The following CNTNAP5 variants were observed in gnomAD, a reference collection of about 807,000 sequenced individuals.
CNTNAP5 encodes contactin associated protein family member 5.
Under a neutral mutation model 150.2 loss-of-function variants are expected in CNTNAP5, and 72 were observed. That is an observed-to-expected ratio of 0.48 (90% CI 0.40 to 0.58). CNTNAP5 has a LOEUF of 0.58. Among genes scored for constraint, CNTNAP5 ranks in the 20% least tolerant of loss-of-function variants. CNTNAP5 has a pLI of 0.00. For synonymous variants in CNTNAP5, 672 were observed against 619.8 expected (o/e 1.08, Z -1.25); for missense variants, 1,636 against 1,626.2 (o/e 1.01, Z -0.10).
At chr2:124,454,853 G>C (rs558648700) in intron 6 of CNTNAP5, among the ~76,000 whole-genome samples, 33 of 152,070 alleles carry the variant, frequency 2.2e-4, no homozygotes, top group African/African-American at 7.5e-4. Context: ...AATGACAGTA[G>C]TCATTCACAA....
intron 21 of CNTNAP5, among the ~76,000 whole-genome samples, chr2:124,897,280 T>C (rs1678325510): frequency 6.6e-6 from 1 of 151,540 alleles, no homozygotes; most frequent in Non-Finnish European, 1.5e-5. Flanking sequence ...GTCTCTTTTA[T>C]GTTTCCATGG....
At chr2:124,332,135 C>T (rs1036775083) in intron 3 of CNTNAP5, among the ~76,000 whole-genome samples, 9 of 151,792 alleles carry the variant, frequency 5.9e-5, no homozygotes, top group Non-Finnish European at 1.2e-4. Context: ...TCTCTCTCTT[C>T]TACTTACTGA....
At chr2:124,657,774 G>A (rs1573528279) in intron 13 of CNTNAP5, among the ~76,000 whole-genome samples, 1 of 152,086 alleles carries the variant, frequency 6.6e-6, no homozygotes, top group Non-Finnish European at 1.5e-5. Context: ...TGCCCAGCTT[G>A]CCCCACCTCT....
At chr2:124,727,003 G>A (rs780518153) in intron 13 of CNTNAP5, among the ~76,000 whole-genome samples, 9 of 151,828 alleles carry the variant, frequency 5.9e-5, no homozygotes, top group Non-Finnish European at 8.8e-5. Flanking sequence ...ATTTTTAGTT[G>A]ATTTTTACAT....
chr2:124,577,870 A>C (rs1401044575), intron 11 of CNTNAP5, among the ~76,000 whole-genome samples: 2 of 152,082 alleles, frequency 1.3e-5, no homozygotes, highest in Admixed American at 1.3e-4. Flanking sequence ...GGTCAGAGGG[A>C]TATGGACTTG....
At position 124,790,095 on chromosome 2, in the gene CNTNAP5, G is replaced by A; in HGVS notation, c.2946G>A (p.Leu982=). Residue 982 remains leucine (L), a synonymous_variant, in exon 18 of 24, where the codon CTG becomes CTA. Transcript: ENST00000682447. ...GTGTGGAGAAGCACAATGGCTACCT[G>A]TGTGATTGCACCAATTCACCTTATG... The part of the protein sequence containing the change: ...GKCVEKHNGY[L]CDCTNSPYEG... 6.2e-7 allele frequency: 1 copy of A among 1,613,872 alleles called. No individual in the cohort carries two copies.
intron 21 of CNTNAP5, among the ~76,000 whole-genome samples, chr2:124,900,922 G>T: frequency 6.6e-6 from 1 of 151,570 alleles, no homozygotes. Context: ...GAGTTCTGGT[G>T]CCACCAGCAA....
chr2:124,870,667 T>C (rs1677726884), intron 21 of CNTNAP5, among the ~76,000 whole-genome samples: 5 of 152,266 alleles, frequency 3.3e-5, no homozygotes, highest in South Asian at 2.1e-4. Context: ...ACTCAATGCA[T>C]GGTAAGCAGA....
Position 124,252,953 on chromosome 2 carries a change from G to C in CNTNAP5, c.381+10560G>C, listed in dbSNP as rs149689898. ...TGTAGAAGGCGATCTTATTATTTAA[G>C]ACAAAGTTGAAACTTTAAACATATA... is the stretch of plus-strand genomic sequence containing the variant. On this transcript the variant is annotated intron_variant, in intron 3 of 23. Coordinates refer to ENST00000682447, the MANE Select transcript of CNTNAP5 (RefSeq NM_001367498.1). Among the ~76,000 whole-genome samples, 662 of 151,850 alleles carry C rather than the reference G, an allele frequency of 4.4e-3. 1 individual carries two copies. Among genetic ancestry groups the C allele is most frequent in the Middle Eastern group, 0.021 (6 of 288 alleles).
intron 10 of CNTNAP5, among the ~76,000 whole-genome samples, chr2:124,560,226 G>A (rs1695856700): frequency 6.6e-6 from 1 of 152,140 alleles, no homozygotes; most frequent in South Asian, 2.1e-4. Context: ...TTAAAGTGGG[G>A]CAGGTGCCAT....
rs894172405 is a variant in CNTNAP5 at position 124,520,700 on chromosome 2, C to A, written c.1328-3603C>A. ...AGTGCCCCATATTGGCCCTCAATAT[C>A]CTGCTCGTCTCTCCTAAGATAATTT... On this transcript the variant is annotated intron_variant, in intron 8 of 23. Transcript: ENST00000682447. 1.3e-4 allele frequency among the ~76,000 whole-genome samples: 20 copies of A among 152,170 alleles called. 1 individual carries two copies. The highest frequency in any genetic ancestry group is 1.1e-3 in the Admixed American group (17 of 15,282).
chr2:124,383,488 T>A (rs1690852924), intron 3 of CNTNAP5, among the ~76,000 whole-genome samples: 1 of 152,192 alleles, frequency 6.6e-6, no homozygotes, highest in Non-Finnish European at 1.5e-5. Context: ...ACTACTTACA[T>A]CATTGTGCTT....
intron 3 of CNTNAP5, among the ~76,000 whole-genome samples, chr2:124,251,102 A>G (rs1687162000): frequency 6.6e-6 from 1 of 152,130 alleles, no homozygotes; most frequent in African/African-American, 2.4e-5. Flanking sequence ...CACATTTCCT[A>G]CTGCCTTGTA....
chr2:124,430,985 G>T (rs945871780), intron 4 of CNTNAP5, among the ~76,000 whole-genome samples: 1 of 152,122 alleles, frequency 6.6e-6, no homozygotes, highest in African/African-American at 2.4e-5. Context: ...TTTGAAGGTA[G>T]GTTCCTATAA....
In CNTNAP5 at chr2:124,538,849, T is replaced by A. The variant is rs116338895; in HGVS notation, c.1649+11393T>A. Among the ~76,000 whole-genome samples the A allele has an allele frequency of 4.1e-3, 632 of 152,314 alleles. 4 individuals carry two copies. The highest frequency in any genetic ancestry group is 0.014 in the African/African-American group (600 of 41,584). ...AAAAGAATAAAGAGATTCCTTGGTATTGATTCCTTTACATGATCGATATCT... is the reference window on the plus strand; with the variant it reads ...AAAAGAATAAAGAGATTCCTTGGTAATGATTCCTTTACATGATCGATATCT... On this transcript the variant is annotated intron_variant, in intron 10 of 23. Coordinates refer to ENST00000682447, the MANE Select transcript of CNTNAP5 (RefSeq NM_001367498.1).
chr2:124,723,283 T>C (rs759754743), intron 13 of CNTNAP5, among the ~76,000 whole-genome samples: 2 of 152,190 alleles, frequency 1.3e-5, no homozygotes, highest in Admixed American at 6.5e-5. Flanking sequence ...CACAAAACAC[T>C]AGAATACAAT....
At chr2:124,812,879 A>G (rs1040847437) in intron 19 of CNTNAP5, among the ~76,000 whole-genome samples, 1 of 152,114 alleles carries the variant, frequency 6.6e-6, no homozygotes, top group African/African-American at 2.4e-5. Context: ...GTCGTGATCT[A>G]TGATCACTCA....
chr2:124,358,383 G>C (rs988022629), intron 3 of CNTNAP5, among the ~76,000 whole-genome samples: 1 of 152,146 alleles, frequency 6.6e-6, no homozygotes, highest in African/African-American at 2.4e-5. Context: ...TCTTGTGCCA[G>C]TTTTCAAAGG....
intron 17 of CNTNAP5, among the ~76,000 whole-genome samples, chr2:124,784,969 G>C (rs1018597663): frequency 7.0e-6 from 1 of 142,322 alleles, no homozygotes; most frequent in Non-Finnish European, 1.5e-5. Flanking sequence ...AGTATGACTA[G>C]TATCTTTAAA....
Sources: allele counts gnomAD v4.1 joint callset (sites outside exome capture counted in the v4.1 genomes callset), GRCh38; gene constraint gnomAD v4.1.1; transcripts MANE v1.5; gene names NCBI Gene and HGNC (gene_info 2026-07-23, HGNC 2026-07-21).